DOCK8: variants seen among roughly 807,000 people sequenced by gnomAD.
The protein encoded by DOCK8 is dedicator of cytokinesis 8.
A neutral mutation model predicts 245.6 loss-of-function variants in DOCK8; 141 were observed. The observed-to-expected ratio is 0.57, with a 90% CI of 0.50 to 0.66. The LOEUF is 0.66. Among genes scored for constraint, DOCK8 ranks in the 30% least tolerant of loss-of-function variants. The pLI is 0.00. For synonymous variants in DOCK8, 1,168 were observed against 970.2 expected, an observed-to-expected ratio of 1.20 and a Z score of -3.79; for missense variants, 2,965 against 2,603.4, an observed-to-expected ratio of 1.14 and a Z score of -3.02.
intron 15 of DOCK8, chr9:368,464 G>A (rs369008835): frequency 1.7e-5 from 10 of 602,402 alleles, no homozygotes; most frequent in Admixed American, 5.7e-5. Flanking sequence ...CAACACGTGC[G>A]CCATGTTTGC....
At chr9:269,110 C>A (rs904954664) in intron 1 of DOCK8, among the ~76,000 whole-genome samples, 1 of 152,172 alleles carries the variant, frequency 6.6e-6, no homozygotes, top group Non-Finnish European at 1.5e-5. Context: ...GTGTACAGTT[C>A]AGTGATTTTT....
intron 30 of DOCK8, among the ~76,000 whole-genome samples, chr9:418,912 G>GTAGCT (rs1442046529): frequency 6.6e-6 from 1 of 151,996 alleles, no homozygotes; most frequent in African/African-American, 2.4e-5. Context: ...AAGGAGGCTG[G>GTAGCT]TAGCTTAGCG....
intron 33 of DOCK8, among the ~76,000 whole-genome samples, chr9:424,072 T>C (rs888210963): frequency 6.6e-6 from 1 of 151,992 alleles, no homozygotes; most frequent in South Asian, 2.1e-4. Flanking sequence ...CTTTTTTTTT[T>C]TTTTTAAAAG....
At chr9:241,801 G>A (rs1018635329) in intron 1 of DOCK8, among the ~76,000 whole-genome samples, 4 of 152,174 alleles carry the variant, frequency 2.6e-5, no homozygotes, top group African/African-American at 9.7e-5. Context: ...CATATTAAAG[G>A]AAGGAATAGG....
intron 1 of DOCK8, among the ~76,000 whole-genome samples, chr9:237,597 G>T (rs1361529647): frequency 6.6e-6 from 1 of 152,202 alleles, no homozygotes; most frequent in Non-Finnish European, 1.5e-5. Flanking sequence ...TGAGGCTTCA[G>T]TGAGCTGTGA....
intron 1 of DOCK8, among the ~76,000 whole-genome samples, chr9:269,510 A>G (rs554243): frequency 0.36 from 53,470 of 149,666 alleles, 9,659 homozygotes; most frequent in Non-Finnish European, 0.39. Flanking sequence ...TAAGGCTGCT[A>G]CGAACATTCA....
Position 382,681 on chromosome 9 carries a change from C to T in DOCK8, c.2774C>T (p.Ser925Leu), listed in dbSNP as rs757467497. The T allele has an allele frequency of 1.2e-6, 2 of 1,614,132 alleles. No individual in the cohort carries two copies. Among genetic ancestry groups the T allele is most frequent in the East Asian group, 2.2e-5 (1 of 44,880 alleles). Reference protein sequence around the residue: ...ADEEVKNIMSSKIADRNCSRM... With the variant: ...ADEEVKNIMSLKIADRNCSRM... ...GAGGAAGTGAAGAACATCATGTCTTCAAAGGTAGGAAAGATGTCAAACCGT... is the reference window on the plus strand; with the variant it reads ...GAGGAAGTGAAGAACATCATGTCTTTAAAGGTAGGAAAGATGTCAAACCGT... The change falls in exon 22 of 48, where the codon TCA becomes TTA. Residue 925 changes from serine to leucine, a missense_variant. Physicochemically the swap from Ser to Leu is moderately radical, Grantham distance 145. Transcript: ENST00000432829.
At chr9:434,654 G>C (rs1041084370) in intron 38 of DOCK8, 129 bp from the exon 39 acceptor site, 4 of 909,100 alleles carry the variant, frequency 4.4e-6, no homozygotes, top group Non-Finnish European at 6.9e-6. Context: ...TGGAAATATA[G>C]GGCAAAATCT....
At position 420,515 on chromosome 9, in the gene DOCK8, C is replaced by T. The variant is rs2131638802; in HGVS notation, c.3955C>T (p.Leu1319=). ...CCTCATTAGGAAGTGGATTGCTGAC[C>T]TGCCATCAACGCAGCTCAACAGGAT... ...QSLIRKWIAD[L]PSTQLNRILD... is the part of the protein sequence containing the mutation. Residue 1319 remains leucine (L), a synonymous_variant, in exon 31 of 48, where the codon CTG becomes TTG. Transcript: ENST00000432829. The T allele has an allele frequency of 1.2e-6, 2 of 1,614,154 alleles. No homozygotes were observed. Among genetic ancestry groups the T allele is most frequent in the Non-Finnish European group, 1.7e-6 (2 of 1,180,040 alleles).
At chr9:332,730 C>T (rs112836433) in intron 10 of DOCK8, among the ~76,000 whole-genome samples, 1,860 of 150,560 alleles carry the variant, frequency 0.012, 40 homozygotes, top group African/African-American at 0.044. Context: ...CAATCACGGC[C>T]CCCTACAACC....
At chr9:304,994 C>G (rs964647604) in intron 5 of DOCK8, among the ~76,000 whole-genome samples, 2 of 152,198 alleles carry the variant, frequency 1.3e-5, no homozygotes, top group African/African-American at 4.8e-5. Flanking sequence ...TGCAGAGACT[C>G]TTGGTGCCCC....
chr9:332,812 C>T (rs1380469830), intron 10 of DOCK8, among the ~76,000 whole-genome samples: 1 of 151,836 alleles, frequency 6.6e-6, no homozygotes, highest in Non-Finnish European at 1.5e-5. Context: ...CACATGCCAC[C>T]ATGCTTGGCT....
At position 376,138 on chromosome 9, in the gene DOCK8, G is replaced by A. The variant is rs2053505644; in HGVS notation, c.2110-72G>A. ...TAACCCTGACATTTCCAGTCAAGTT[G>A]GTCTGCATTGCTTGTTAGTAATCAG... On this transcript the variant is annotated intron_variant, in intron 18 of 47. Transcript: ENST00000432829. 5.0e-6 allele frequency: 5 copies of A among 1,001,298 alleles called. No individual in the cohort carries two copies. In the Admixed American group the frequency reaches 8.4e-5, roughly 17 times the overall value. The allele number at this position is 1,001,298 out of a possible 1,614,324, so 62.0% of individuals were successfully genotyped here. A position where few individuals can be genotyped will look rare whatever the true frequency, so the allele number is the denominator to read the frequency against.
chr9:275,367 G>A (rs1040788415), intron 2 of DOCK8, among the ~76,000 whole-genome samples: 18 of 152,114 alleles, frequency 1.2e-4, no homozygotes, highest in African/African-American at 4.3e-4. Flanking sequence ...GAAGAGAAAA[G>A]GATACATGAT....
chr9:250,070 A>T (rs2047611996), intron 1 of DOCK8, among the ~76,000 whole-genome samples: 1 of 152,140 alleles, frequency 6.6e-6, no homozygotes, highest in South Asian at 2.1e-4. Context: ...TAACAGTCTG[A>T]ACTCCTCCAC....
intron 25 of DOCK8, 54 bp downstream of exon 25, chr9:396,988 C>T: frequency 6.5e-7 from 1 of 1,537,434 alleles, no homozygotes; most frequent in South Asian, 1.1e-5. Context: ...ACATATATTA[C>T]TTTCATAATC....
intron 1 of DOCK8, among the ~76,000 whole-genome samples, chr9:253,833 G>A (rs1056023270): frequency 9.9e-5 from 15 of 152,050 alleles, no homozygotes; most frequent in Admixed American, 2.0e-4. Flanking sequence ...ACCTTAGCTC[G>A]TTTAATACAC....
intron 2 of DOCK8, chr9:273,214 T>C: frequency 1.3e-6 from 1 of 764,618 alleles, no homozygotes; most frequent in Non-Finnish European, 1.6e-6. Context: ...AGGAGGTAAC[T>C]TTCCATGCCA....
chr9:283,562 C>A (rs989414175), intron 2 of DOCK8, among the ~76,000 whole-genome samples: 9 of 152,238 alleles, frequency 5.9e-5, no homozygotes, highest in Admixed American at 1.3e-4. Context: ...ATCTTCCCAC[C>A]TCTCCAAGCC....
Sources: allele counts gnomAD v4.1 joint callset (sites outside exome capture counted in the v4.1 genomes callset), GRCh38; gene constraint gnomAD v4.1.1; transcripts MANE v1.5; gene names NCBI Gene and HGNC (gene_info 2026-07-23, HGNC 2026-07-21).